The following CADPS variants were observed in gnomAD, a reference collection of about 807,000 sequenced individuals.
The protein encoded by CADPS is calcium-dependent secretion activator 1.
A neutral mutation model predicts 167.3 loss-of-function variants in CADPS; 57 were observed. The observed-to-expected ratio is 0.34, with a 90% CI of 0.28 to 0.42. The LOEUF is 0.42. Ranked by LOEUF, CADPS falls within the 20% of genes least tolerant of loss-of-function variation. CADPS has a pLI of 1.00. For missense variants in CADPS, 1,414 were observed against 1,738.1 expected, an observed-to-expected ratio of 0.81 and a Z score of 3.32; for synonymous variants, 676 against 635.3, an observed-to-expected ratio of 1.06 and a Z score of -0.96.
chr3:62,860,705 AAGAT>A (rs1215824690), intron 1 of CADPS, among the ~76,000 whole-genome samples: 3 of 152,174 alleles, frequency 2.0e-5, no homozygotes, highest in African/African-American at 7.2e-5. Flanking sequence ...TAACACATAA[AAGAT>A]AGAAAAGATG....
intron 3 of CADPS, among the ~76,000 whole-genome samples, chr3:62,737,971 T>G (rs2152266001): frequency 6.6e-6 from 1 of 152,188 alleles, no homozygotes; most frequent in South Asian, 2.1e-4. Flanking sequence ...TTTTTTCTTG[T>G]TTTGCCCATT....
intron 28 of CADPS, among the ~76,000 whole-genome samples, chr3:62,435,212 T>C (rs1194850047): frequency 6.6e-6 from 1 of 152,204 alleles, no homozygotes; most frequent in Non-Finnish European, 1.5e-5. Flanking sequence ...CATTAAGGAA[T>C]GGGATTTAAA....
In CADPS at chr3:62,420,788, A is replaced by T. The variant is rs1236583463; in HGVS notation, c.3777+17316T>A. Among the ~76,000 whole-genome samples the T allele has an allele frequency of 1.3e-5, 2 of 151,902 alleles. No individual in the cohort carries two copies. The highest frequency in any genetic ancestry group is 2.4e-5 in the African/African-American group (1 of 41,346). Reference sequence around the variant, plus strand: ...CTCTTGCTTTATTTTTACTCTCAGGAAACCGTATTCTCCTCTTTCTACTTC... The same window carrying T: ...CTCTTGCTTTATTTTTACTCTCAGGTAACCGTATTCTCCTCTTTCTACTTC... On this transcript the variant is annotated intron_variant, in intron 28 of 29. Coordinates refer to ENST00000383710, the MANE Select transcript of CADPS (RefSeq NM_003716.4). The surrounding 1 kb of genome is among the most constrained non-coding windows in gnomAD (Gnocchi z 4.1).
intron 3 of CADPS, among the ~76,000 whole-genome samples, chr3:62,699,892 C>T (rs927024427): frequency 6.6e-6 from 1 of 152,030 alleles, no homozygotes; most frequent in African/African-American, 2.4e-5. Flanking sequence ...CACAGACACA[C>T]CTATTTGTTT....
At chr3:62,790,216 AG>A (rs1283584878) in intron 1 of CADPS, among the ~76,000 whole-genome samples, 1 of 152,210 alleles carries the variant, frequency 6.6e-6, no homozygotes, top group Non-Finnish European at 1.5e-5. Context: ...TTATGGACAC[AG>A]AAAAAATAAG....
intron 9 of CADPS, among the ~76,000 whole-genome samples, chr3:62,569,107 T>A (rs2080822123): frequency 6.6e-6 from 1 of 152,200 alleles, no homozygotes; most frequent in Admixed American, 6.5e-5. Flanking sequence ...TTTAATTATT[T>A]ATTTTTTTTG....
At chr3:62,476,733 A>G (rs553982837) in intron 23 of CADPS, among the ~76,000 whole-genome samples, 41 of 152,240 alleles carry the variant, frequency 2.7e-4, no homozygotes, top group Middle Eastern at 6.8e-3. Context: ...TGGCCTCTCC[A>G]TGAAGGACAT....
At chr3:62,831,846 G>A (rs1006055401) in intron 1 of CADPS, among the ~76,000 whole-genome samples, 4 of 152,098 alleles carry the variant, frequency 2.6e-5, no homozygotes, top group Admixed American at 6.6e-5. Context: ...GTATTAAACC[G>A]TAGTACCACA....
chr3:62,749,838 C>CA (rs759791651), intron 3 of CADPS, among the ~76,000 whole-genome samples: 111 of 152,284 alleles, frequency 7.3e-4, no homozygotes, highest in Non-Finnish European at 1.2e-3. Flanking sequence ...GGGATGGAGT[C>CA]AGAGAGCTCT....
chr3:62,476,927 A>C (rs2061400349), intron 23 of CADPS, among the ~76,000 whole-genome samples: 2 of 152,144 alleles, frequency 1.3e-5, no homozygotes, highest in Non-Finnish European at 2.9e-5. Flanking sequence ...TCAAGACCCT[A>C]AGGAAATATT....
At chr3:62,520,458 C>T (rs936619972) in intron 13 of CADPS, among the ~76,000 whole-genome samples, 1 of 152,188 alleles carries the variant, frequency 6.6e-6, no homozygotes, top group African/African-American at 2.4e-5. Context: ...CGCTGATAAC[C>T]TCTCCTCGTA....
intron 10 of CADPS, among the ~76,000 whole-genome samples, chr3:62,550,459 C>A (rs911198372): frequency 2.6e-5 from 4 of 152,132 alleles, no homozygotes; most frequent in African/African-American, 9.7e-5. Context: ...TTTACCACAT[C>A]TCTCCCTTCA....
intron 6 of CADPS, among the ~76,000 whole-genome samples, chr3:62,629,757 G>GTTTTTTTTTTTTTTT (rs55956118): frequency 4.1e-5 from 6 of 145,742 alleles, no homozygotes; most frequent in Admixed American, 6.8e-5. Flanking sequence ...CTCTGGTACA[G>GTTTTTTTTTTTTTTT]TTTTTTTTTT....
chr3:62,527,557 C>A (rs987445149), intron 13 of CADPS, among the ~76,000 whole-genome samples: 2 of 152,074 alleles, frequency 1.3e-5, no homozygotes, highest in Non-Finnish European at 2.9e-5. Context: ...CAGCAAACAC[C>A]TTCCTGATTG....
At chr3:62,436,575 T>C (rs887536293) in intron 28 of CADPS, among the ~76,000 whole-genome samples, 1 of 152,174 alleles carries the variant, frequency 6.6e-6, no homozygotes, top group African/African-American at 2.4e-5. Context: ...AGTACTTTCA[T>C]ATAAGGCATG....
rs770557343 is a variant in CADPS at position 62,874,581 on chromosome 3, G to C, written c.441+8C>G. 3.2e-6 allele frequency: 5 copies of C among 1,543,316 alleles called. No homozygotes were observed. The highest frequency in any genetic ancestry group is 4.4e-6 in the Non-Finnish European group (5 of 1,142,468). On this transcript the variant is annotated splice_region_variant and intron_variant, in intron 1 of 29. Coordinates refer to ENST00000383710, the MANE Select transcript of CADPS (RefSeq NM_003716.4). This position sits in a 1 kb window ranked among gnomAD's most constrained non-coding sequence, Gnocchi z 7.1. ...GTGCTGCTCCCTGGGCCTCCCAGGC[G>C]CACCTACCTTCTGCTGCCGGCGAGC... is the stretch of plus-strand genomic sequence containing the variant.
chr3:62,686,590 A>T (rs1325335086), intron 3 of CADPS, among the ~76,000 whole-genome samples: 5 of 152,046 alleles, frequency 3.3e-5, no homozygotes, highest in African/African-American at 1.2e-4. Context: ...ATCTGCAGAC[A>T]AGCAAAGGCT....
At chr3:62,499,097 G>T in intron 18 of CADPS, 65 bp downstream of exon 18, 1 of 967,628 alleles carries the variant, frequency 1.0e-6, no homozygotes, top group Non-Finnish European at 1.6e-6. Flanking sequence ...AATCTGGCTG[G>T]GAAAATCAGC....
At chr3:62,600,032 T>C (rs1366328665) in intron 6 of CADPS, among the ~76,000 whole-genome samples, 3 of 141,840 alleles carry the variant, frequency 2.1e-5, no homozygotes, top group African/African-American at 7.9e-5. Context: ...AAGCAACAAA[T>C]TCAGAATAAC....
Sources: gnomAD v4.1 joint callset for allele counts (sites outside exome capture counted in the v4.1 genomes callset) on GRCh38, gnomAD v4.1.1 for gene constraint, Gnocchi (gnomAD v3.1) non-coding constraint, MANE v1.5 for transcripts, NCBI Gene and HGNC (gene_info 2026-07-23, HGNC 2026-07-21) for gene names.